The following RNMT variants were observed in gnomAD, a reference collection of about 807,000 sequenced individuals.
RNMT encodes the protein mRNA cap guanine-N(7) methyltransferase.
RNMT carries 27 observed loss-of-function variants against 56.0 expected under a neutral mutation model. That is an observed-to-expected ratio of 0.48 (90% CI 0.36 to 0.67). The LOEUF (loss-of-function observed/expected upper bound fraction) is 0.67, where lower values mean the gene tolerates loss of function less well. Ranked by LOEUF, RNMT falls within the 30% of genes least tolerant of loss-of-function variation. The pLI is 0.00. For synonymous variants in RNMT, 184 were observed against 176.2 expected (o/e 1.04, Z -0.35); for missense variants, 519 against 552.1 (o/e 0.94, Z 0.60).
At chr18:13,736,609 C>T (rs1003858486) in intron 4 of RNMT, among the ~76,000 whole-genome samples, 1 of 151,118 alleles carries the variant, frequency 6.6e-6, no homozygotes, top group Non-Finnish European at 1.5e-5. Context: ...TACTGTTAAA[C>T]ACCTAGCTAT....
chr18:13,734,041 T>G (rs1393750586), intron 3 of RNMT, among the ~76,000 whole-genome samples: 1 of 152,222 alleles, frequency 6.6e-6, no homozygotes, highest in African/African-American at 2.4e-5. Flanking sequence ...TTCCCCATAC[T>G]TTTCTCATGG....
chr18:13,757,422 G>A (rs576040026), intron 11 of RNMT, among the ~76,000 whole-genome samples: 16 of 152,200 alleles, frequency 1.1e-4, no homozygotes, highest in African/African-American at 3.9e-4. Context: ...AACCCTACTG[G>A]TCTTTATCAA....
At chr18:13,747,941 G>C (rs2044379425) in intron 9 of RNMT, among the ~76,000 whole-genome samples, 1 of 152,106 alleles carries the variant, frequency 6.6e-6, no homozygotes, top group African/African-American at 2.4e-5. Flanking sequence ...GCATGATAGT[G>C]GTCAATTATT....
chr18:13,741,362 A>G (rs1017065219), intron 6 of RNMT, 148 bp from the exon 7 acceptor site: 1 of 544,184 alleles, frequency 1.8e-6, no homozygotes, highest in East Asian at 2.9e-5. Flanking sequence ...ACTAGAATAC[A>G]TGCATGATTT....
intron 11 of RNMT, among the ~76,000 whole-genome samples, chr18:13,755,727 A>G (rs768942578): frequency 2.6e-5 from 4 of 152,158 alleles, no homozygotes; most frequent in Non-Finnish European, 5.9e-5. Context: ...TGCATAAACT[A>G]TGGATTTTAT....
chr18:13,737,227 T>C (rs2044175525), intron 5 of RNMT, 92 bp downstream of exon 5: 3 of 1,162,010 alleles, frequency 2.6e-6, no homozygotes, highest in Non-Finnish European at 3.6e-6. Flanking sequence ...TATCTGGGAC[T>C]ATGCATGAGA....
chr18:13,739,679 G>C (rs183249131), intron 5 of RNMT, among the ~76,000 whole-genome samples: 1 of 152,232 alleles, frequency 6.6e-6, no homozygotes, highest in African/African-American at 2.4e-5. Flanking sequence ...CTAGCTACTC[G>C]GGAGGCTGAG....
Position 13,751,969 on chromosome 18 carries a change from A to G in RNMT, c.1258-357A>G, listed in dbSNP as rs534299973. 3.6e-3 allele frequency among the ~76,000 whole-genome samples: 542 copies of G among 150,148 alleles called. 5 individuals are homozygous for G. The highest frequency in any genetic ancestry group is 5.8e-3 in the Non-Finnish European group (393 of 67,560). ...AACATCACACACCGGGGGGCCTGTC[A>G]TGGGGTGGGGGCCTGGGGGAGGTAT... On this transcript the variant is annotated intron_variant, in intron 9 of 11. Transcript: ENST00000383314.
In RNMT at chr18:13,752,321, C is replaced by A. The variant is rs753974758; in HGVS notation, c.1258-5C>A. On this transcript the variant is annotated splice_polypyrimidine_tract_variant and splice_region_variant and intron_variant, in intron 9 of 11. Transcript: ENST00000383314. The stretch of plus-strand genomic sequence containing the variant: ...TGTAACTAGGACTTTCATTTCTTTC[C>A]CCAGCCATATCCTGCAAATGAGAGT... The A allele has an allele frequency of 6.3e-7, 1 of 1,590,752 alleles. No individual in the cohort carries two copies. The highest frequency in any genetic ancestry group is 2.2e-5 in the East Asian group (1 of 44,660).
chr18:13,755,050 A>G (rs181948851), intron 11 of RNMT, among the ~76,000 whole-genome samples: 23 of 152,338 alleles, frequency 1.5e-4, no homozygotes, highest in Non-Finnish European at 2.5e-4. Flanking sequence ...ATCCCCTTAC[A>G]TGGTTGTTGG....
At chr18:13,740,807 T>G (rs181743533) in intron 6 of RNMT, among the ~76,000 whole-genome samples, 3 of 152,386 alleles carry the variant, frequency 2.0e-5, no homozygotes, top group East Asian at 3.8e-4. Context: ...TTTAATAATT[T>G]GAATTGAAAT....
intron 8 of RNMT, among the ~76,000 whole-genome samples, chr18:13,744,438 G>A (rs2044318934): frequency 6.6e-6 from 1 of 150,886 alleles, no homozygotes; most frequent in Non-Finnish European, 1.5e-5. Flanking sequence ...ATTTCTAAAG[G>A]GTTATTTTAG....
rs1212860122 is a variant in RNMT, at chr18:13,728,330, TTGTGTGTGTG to T, written c.-172+1618_-172+1627del. ...TTTTTTTTTTTTTTTTTTTTTTTTT[TTGTGTGTGTG>T]TGTGTGTGTGTGTGTGACGGAGCCT... On this transcript the variant is annotated intron_variant, in intron 1 of 11. Transcript: ENST00000383314. Among the ~76,000 whole-genome samples the T allele has an allele frequency of 5.6e-4, 12 of 21,468 alleles. No homozygotes were observed. In the East Asian group the frequency reaches 0.013, roughly 23 times the overall value. The allele number at this position is 21,468 out of a possible 152,430, so 14.1% of individuals were successfully genotyped here.
Position 13,760,618 on chromosome 18 carries a change from G to A in RNMT, c.*639G>A. 1 of 985,422 alleles carries A rather than the reference G, an allele frequency of 1.0e-6. No individual in the cohort carries two copies. Among genetic ancestry groups the A allele is most frequent in the Non-Finnish European group, 1.2e-6 (1 of 829,908 alleles). 61.0% of individuals were successfully genotyped at this position (985,422 alleles called of 1,614,324 possible). On this transcript the variant is annotated 3_prime_UTR_variant, in exon 12 of 12. Transcript: ENST00000383314. ...TGGCAGCATAGAATTTTGGAATTTT[G>A]GGGCTTTCTTTTCAGAAATTGCTAC...
At chr18:13,730,219 T>G (rs1230093998) in intron 1 of RNMT, among the ~76,000 whole-genome samples, 1 of 152,264 alleles carries the variant, frequency 6.6e-6, no homozygotes, top group Non-Finnish European at 1.5e-5. Flanking sequence ...CCATAATTCT[T>G]GCCCAATAGA....
At chr18:13,750,117 G>A (rs2044417065) in intron 9 of RNMT, among the ~76,000 whole-genome samples, 1 of 152,068 alleles carries the variant, frequency 6.6e-6, no homozygotes, top group Admixed American at 6.5e-5. Flanking sequence ...CACTTAAAAT[G>A]AATTAAAAAT....
chr18:13,758,538 C>T (rs970622911), intron 11 of RNMT, among the ~76,000 whole-genome samples: 10 of 152,194 alleles, frequency 6.6e-5, no homozygotes, highest in African/African-American at 2.2e-4. Context: ...GCAGTTTCCT[C>T]ACCTCTCTCA....
chr18:13,759,090 A>C (rs1164300266), intron 11 of RNMT, among the ~76,000 whole-genome samples: 1 of 152,226 alleles, frequency 6.6e-6, no homozygotes. Flanking sequence ...AAGATCACTG[A>C]TTACAGATCA....
chr18:13,758,640 T>A (rs771821434), intron 11 of RNMT, among the ~76,000 whole-genome samples: 4 of 152,226 alleles, frequency 2.6e-5, no homozygotes, highest in Non-Finnish European at 5.9e-5. Context: ...TGCAGACCAC[T>A]CAGACTTTTT....
Sources: allele counts gnomAD v4.1 joint callset (sites outside exome capture counted in the v4.1 genomes callset), GRCh38; gene constraint gnomAD v4.1.1; transcripts MANE v1.5; gene names NCBI Gene and HGNC (gene_info 2026-07-23, HGNC 2026-07-21).